The following KDM5A variants were observed in gnomAD, a reference collection of about 807,000 sequenced individuals.
KDM5A encodes lysine demethylase 5A.
In KDM5A, 42 loss-of-function variants were observed where a neutral mutation model predicts 193.5. The observed-to-expected ratio is 0.22, with a 90% CI of 0.17 to 0.28. KDM5A has a LOEUF of 0.28. Among genes scored for constraint, KDM5A ranks in the 10% least tolerant of loss-of-function variants. The pLI, the probability that KDM5A is intolerant of heterozygous loss-of-function variation, is 1.00. For synonymous variants in KDM5A, 796 were observed against 718.1 expected, an observed-to-expected ratio of 1.11 and a Z score of -1.73; for missense variants, 1,692 against 2,055.1, an observed-to-expected ratio of 0.82 and a Z score of 3.42.
At chr12:342,534 A>G (rs1944019560) in intron 10 of KDM5A, among the ~76,000 whole-genome samples, 1 of 151,816 alleles carries the variant, frequency 6.6e-6, no homozygotes, top group Non-Finnish European at 1.5e-5. Context: ...ATCTCGGCTC[A>G]CTGCAACCTC....
At chr12:349,334 T>C (rs910202060) in intron 10 of KDM5A, among the ~76,000 whole-genome samples, 13 of 145,666 alleles carry the variant, frequency 8.9e-5, no homozygotes, top group Non-Finnish European at 2.0e-4. Flanking sequence ...TCTAGACTTT[T>C]TTTTTTTTTT....
intron 19 of KDM5A, among the ~76,000 whole-genome samples, chr12:313,918 C>T (rs184896812): frequency 3.1e-4 from 47 of 152,112 alleles, no homozygotes; most frequent in African/African-American, 1.1e-3. Context: ...TGAACAAAGG[C>T]ATGGAGAAAC....
intron 1 of KDM5A, among the ~76,000 whole-genome samples, chr12:386,486 C>T (rs10774153): frequency 0.63 from 95,885 of 151,956 alleles, 31,251 homozygotes; most frequent in Middle Eastern, 0.73. Flanking sequence ...CAATCATTTC[C>T]TTACACTTAT....
intron 10 of KDM5A, among the ~76,000 whole-genome samples, chr12:340,544 A>G (rs928355953): frequency 6.6e-6 from 1 of 151,928 alleles, no homozygotes; most frequent in African/African-American, 2.4e-5. Flanking sequence ...AAATACAAAA[A>G]ATTAGCTGGG....
chr12:345,374 A>C (rs1944058157), intron 10 of KDM5A, among the ~76,000 whole-genome samples: 2 of 152,234 alleles, frequency 1.3e-5, no homozygotes, highest in Admixed American at 1.3e-4. Flanking sequence ...ACACAGGTTA[A>C]CAAGGATATC....
At chr12:343,238 G>T (rs1170240763) in intron 10 of KDM5A, among the ~76,000 whole-genome samples, 1 of 152,236 alleles carries the variant, frequency 6.6e-6, no homozygotes, top group Non-Finnish European at 1.5e-5. Flanking sequence ...GTCCACCATT[G>T]CTGAGGCTTG....
chr12:378,971 A>C (rs1275879878), intron 3 of KDM5A, among the ~76,000 whole-genome samples: 1 of 152,026 alleles, frequency 6.6e-6, no homozygotes, highest in Non-Finnish European at 1.5e-5. Context: ...AAAAAAAAAA[A>C]AAAAACTAAT....
chr12:359,285 C>T (rs544388307), intron 5 of KDM5A, among the ~76,000 whole-genome samples: 2 of 152,302 alleles, frequency 1.3e-5, no homozygotes, highest in South Asian at 2.1e-4. Context: ...CCAGTGGGAA[C>T]AAGCACACCG....
At chr12:334,089 A>G (rs748715998) in intron 11 of KDM5A, 152 bp downstream of exon 11, 49 of 708,028 alleles carry the variant, frequency 6.9e-5, no homozygotes, top group Non-Finnish European at 1.1e-4. Context: ...ACTGAGTTCA[A>G]TTTTACTACC....
chr12:339,970 G>A (rs1194935240), intron 10 of KDM5A, among the ~76,000 whole-genome samples: 1 of 151,150 alleles, frequency 6.6e-6, no homozygotes, highest in Non-Finnish European at 1.5e-5. Flanking sequence ...AACCTCCCCA[G>A]GCTCAAGTGA....
At chr12:354,759 C>G (rs574402701) in intron 7 of KDM5A, among the ~76,000 whole-genome samples, 2 of 96,568 alleles carry the variant, frequency 2.1e-5, no homozygotes, top group East Asian at 4.5e-4. Context: ...AGCAAGACTC[C>G]GTCTCAAAAA....
intron 24 of KDM5A, among the ~76,000 whole-genome samples, chr12:304,446 CT>C (rs67930424): frequency 0.14 from 15,453 of 112,470 alleles, 1,299 homozygotes; most frequent in African/African-American, 0.32. Flanking sequence ...AGAGTATAGG[CT>C]TTTTTTTTTT....
rs1468066339 is a variant in KDM5A at position 389,184 on chromosome 12, A to C, written c.-93T>G. 10 of 1,191,126 alleles carry C rather than the reference A, an allele frequency of 8.4e-6. No homozygotes were observed. The highest frequency in any genetic ancestry group is 1.3e-5 in the Non-Finnish European group (10 of 797,260). 73.8% of individuals were successfully genotyped at this position (1,191,126 alleles called of 1,614,324 possible). On this transcript the variant is annotated 5_prime_UTR_variant, in exon 1 of 28. Coordinates refer to ENST00000399788, the MANE Select transcript of KDM5A (RefSeq NM_001042603.3). ...TAAGCCCGTTCAAGTCCCCTGACAG[A>C]GGCCGAAGCGCATCTTCGCGGACAA...
intron 10 of KDM5A, among the ~76,000 whole-genome samples, chr12:347,568 T>C (rs962813694): frequency 1.3e-5 from 2 of 152,182 alleles, no homozygotes; most frequent in East Asian, 1.9e-4. Context: ...AACAGAGACA[T>C]AGACCAATGG....
intron 7 of KDM5A, among the ~76,000 whole-genome samples, chr12:354,681 G>A (rs768692319): frequency 3.3e-5 from 5 of 152,008 alleles, no homozygotes; most frequent in Non-Finnish European, 5.9e-5. Flanking sequence ...GCAGGAGAAT[G>A]GCATGAGCCC....
intron 10 of KDM5A, among the ~76,000 whole-genome samples, chr12:349,938 G>A (rs922914879): frequency 6.6e-6 from 1 of 151,394 alleles, no homozygotes; most frequent in African/African-American, 2.4e-5. Flanking sequence ...AGACCAGCCT[G>A]ACCAACATGG....
At chr12:349,560 C>T (rs1944123893) in intron 10 of KDM5A, among the ~76,000 whole-genome samples, 1 of 147,988 alleles carries the variant, frequency 6.8e-6, no homozygotes, top group Non-Finnish European at 1.5e-5. Context: ...GAACTCCTGA[C>T]CTCGTGATCC....
chr12:353,968 G>T, intron 8 of KDM5A, 108 bp downstream of exon 8: 3 of 811,788 alleles, frequency 3.7e-6, no homozygotes, highest in Non-Finnish European at 6.0e-6. Flanking sequence ...ACATAATGAA[G>T]ACAGAATGAC....
chr12:380,940 G>A (rs1944565456), intron 3 of KDM5A, among the ~76,000 whole-genome samples: 1 of 151,490 alleles, frequency 6.6e-6, no homozygotes, highest in African/African-American at 2.4e-5. Flanking sequence ...AATTACAGGT[G>A]CCCACCACCA....
Sources: gnomAD v4.1 joint callset for allele counts (sites outside exome capture counted in the v4.1 genomes callset) on GRCh38, gnomAD v4.1.1 for gene constraint, MANE v1.5 for transcripts, NCBI Gene and HGNC (gene_info 2026-07-23, HGNC 2026-07-21) for gene names.